The following ARHGEF19 variants were observed in gnomAD, a reference collection of about 807,000 sequenced individuals.
ARHGEF19 encodes the protein Rho guanine nucleotide exchange factor (GEF) 19.
ARHGEF19 carries 92 observed loss-of-function variants against 87.6 expected under a neutral mutation model. The observed-to-expected ratio is 1.05, with a 90% confidence interval of 0.89 to 1.25. ARHGEF19 has a LOEUF of 1.25. Among genes scored for constraint, ARHGEF19 ranks in the 50% most tolerant of loss-of-function variants. ARHGEF19 has a pLI of 0.00. For missense variants in ARHGEF19, 1,054 were observed against 1,051.8 expected, an observed-to-expected ratio of 1.00 and a Z score of -0.03; for synonymous variants, 438 against 446.2, an observed-to-expected ratio of 0.98 and a Z score of 0.23.
At chr1:16,212,022 C>T (rs2081202107) in intron 1 of ARHGEF19, among the ~76,000 whole-genome samples, 2 of 152,124 alleles carry the variant, frequency 1.3e-5, no homozygotes, top group South Asian at 4.1e-4. Context: ...AAAGTGGCTC[C>T]TAAGGGACCG....
intron 14 of ARHGEF19, 39 bp from the exon 15 acceptor site, chr1:16,199,293 G>A (rs1393735499): frequency 1.3e-6 from 2 of 1,591,012 alleles, no homozygotes; most frequent in African/African-American, 2.7e-5. Flanking sequence ...CCCAAGGGCA[G>A]GATGGCAGGG....
At position 16,202,436 on chromosome 1, in the gene ARHGEF19, G is replaced by C. The variant is rs2081091574; in HGVS notation, c.2046C>G (p.Phe682Leu). Residue 682 changes from phenylalanine to leucine, a missense_variant, in exon 13 of 16, where the codon TTC becomes TTG. Phe to Leu is a conservative substitution (Grantham distance 22, BLOSUM62 0). Coordinates refer to ENST00000270747, the MANE Select transcript of ARHGEF19 (RefSeq NM_153213.5). Reference sequence around the variant, plus strand: ...CTCACTCCGTCCGGGCCCGCAGCAGGAACTGGTGCTTCATGTGCTGCCCGT... The same window carrying C: ...CTCACTCCGTCCGGGCCCGCAGCAGCAACTGGTGCTTCATGTGCTGCCCGT... ...LLHGQHMKHQ[F>L]LLRARTESEK... 2 of 1,613,942 alleles carry C rather than the reference G, an allele frequency of 1.2e-6. No homozygotes were observed. The highest frequency in any genetic ancestry group is 1.7e-6 in the Non-Finnish European group (2 of 1,179,956).
intron 12 of ARHGEF19, among the ~76,000 whole-genome samples, chr1:16,203,535 C>T (rs1017244561): frequency 2.6e-5 from 4 of 152,172 alleles, no homozygotes; most frequent in Admixed American, 6.5e-5. Context: ...AAAATATCAT[C>T]CCTCTGCTTA....
At chr1:16,210,846 C>A (rs72891109) in intron 1 of ARHGEF19, among the ~76,000 whole-genome samples, 3,746 of 152,188 alleles carry the variant, frequency 0.025, 166 homozygotes, top group African/African-American at 0.084. Flanking sequence ...AAGCCTTGGC[C>A]TGAACAGTGA....
In ARHGEF19 at chr1:16,205,078, G is replaced by A. The variant is rs2081115038; in HGVS notation, c.1746+9C>T. On this transcript the variant is annotated intron_variant, in intron 11 of 15. Coordinates refer to ENST00000270747, the MANE Select transcript of ARHGEF19 (RefSeq NM_153213.5). This position sits in a 1 kb window ranked among gnomAD's most constrained non-coding sequence, Gnocchi z 5.8. ...TGGGGTCCCCATCCCGCTGGCTGCA[G>A]ACACACACCTTGCCCTCAAAGTGGA... 6.3e-7 allele frequency: 1 copy of A among 1,597,436 alleles called. No homozygotes were observed. Among genetic ancestry groups the A allele is most frequent in the Non-Finnish European group, 8.5e-7 (1 of 1,172,200 alleles).
intron 2 of ARHGEF19, 128 bp downstream of exon 2, chr1:16,208,515 T>A: frequency 7.8e-7 from 1 of 1,284,410 alleles, no homozygotes. Flanking sequence ...ACTAGTTTCC[T>A]TATCACTAAT....
Position 16,205,906 on chromosome 1 carries a change from C to T in ARHGEF19, c.1451+25G>A, listed in dbSNP as rs1339642943. 3 of 1,589,366 alleles carry T rather than the reference C, an allele frequency of 1.9e-6. No individual in the cohort carries two copies. The highest frequency in any genetic ancestry group is 1.3e-5 in the African/African-American group (1 of 74,582). ...GCCTGAGACTCCCTCCACGCCCCCGCCCCTTTCAGAGCCCCCAGCCCTACA... is the reference window on the plus strand; with the variant it reads ...GCCTGAGACTCCCTCCACGCCCCCGTCCCTTTCAGAGCCCCCAGCCCTACA... On this transcript the variant is annotated intron_variant, in intron 8 of 15. Transcript: ENST00000270747. The surrounding 1 kb of genome is among the most constrained non-coding windows in gnomAD (Gnocchi z 5.8).
rs771398924 is a variant in ARHGEF19 at position 16,206,291 on chromosome 1, G to T, written c.1187C>A (p.Ser396Ter). Residue 396 changes from serine (S) to a stop codon, truncating the protein, a stop_gained, in exon 7 of 16, where the codon TCG (serine) becomes TAG (stop). Transcript: ENST00000270747. LOFTEE classifies it high-confidence loss of function. This position sits in a 1 kb window ranked among gnomAD's most constrained non-coding sequence, Gnocchi z 4.6. ...GCCTAAGAAGTGGCCCACAGCCACCGACAGGCTGTGGATGTAGGAGGCCTC... is the reference window on the plus strand; with the variant it reads ...GCCTAAGAAGTGGCCCACAGCCACCTACAGGCTGTGGATGTAGGAGGCCTC... ...TSEASYIHSL[S>*]VAVGHFLGSA... 1.3e-5 allele frequency: 20 copies of T among 1,583,590 alleles called. No homozygotes were observed. The highest frequency in any genetic ancestry group is 1.5e-5 in the Non-Finnish European group (18 of 1,165,502).
intron 1 of ARHGEF19, among the ~76,000 whole-genome samples, chr1:16,209,371 T>C (rs2081177116): frequency 6.6e-6 from 1 of 152,170 alleles, no homozygotes; most frequent in Admixed American, 6.5e-5. Flanking sequence ...CACAGAGAGG[T>C]TATTTGGTAA....
Position 16,205,743 on chromosome 1 carries a change from G to A in ARHGEF19, c.1452-76C>T, listed in dbSNP as rs2081125527. The A allele has an allele frequency of 6.6e-6, 10 of 1,522,782 alleles. No homozygotes were observed. Among genetic ancestry groups the A allele is most frequent in the Non-Finnish European group, 8.8e-6 (10 of 1,134,566 alleles). 94.3% of individuals were successfully genotyped at this position (1,522,782 alleles called of 1,614,324 possible). A position where few individuals can be genotyped will look rare whatever the true frequency, so the allele number is the denominator to read the frequency against. ...ATCCACAACCCTGGCCATCCACGGG[G>A]TCCTCAGGGGGCTTCTCAGCACATC... On this transcript the variant is annotated intron_variant, in intron 8 of 15. Coordinates refer to ENST00000270747, the MANE Select transcript of ARHGEF19 (RefSeq NM_153213.5). The surrounding 1 kb of genome is among the most constrained non-coding windows in gnomAD (Gnocchi z 5.8).
intron 1 of ARHGEF19, among the ~76,000 whole-genome samples, chr1:16,209,911 A>T (rs1248730979): frequency 6.6e-6 from 1 of 152,222 alleles, no homozygotes; most frequent in African/African-American, 2.4e-5. Context: ...GCCTTCTCGA[A>T]GTTCAAAGAG....
chr1:16,200,783 C>T (rs2081078681), intron 14 of ARHGEF19, among the ~76,000 whole-genome samples: 1 of 151,392 alleles, frequency 6.6e-6, no homozygotes, highest in South Asian at 2.1e-4. Context: ...TGCCTGTAAT[C>T]CCAGCTACTC....
chr1:16,204,712 G>C, intron 12 of ARHGEF19, 47 bp downstream of exon 12: 4 of 1,518,386 alleles, frequency 2.6e-6, no homozygotes, highest in Non-Finnish European at 3.5e-6. Context: ...GGGAGGAAGA[G>C]AGCCTGGCTC....
Position 16,205,203 on chromosome 1 carries a change from G to A in ARHGEF19, c.1657-27C>T, listed in dbSNP as rs2081116851. ...TGGGGGAGCCGTGGGGAGGTCACCT[G>A]CAGCCCCTCAGCTCCGGCTCCCAGA... On this transcript the variant is annotated intron_variant, in intron 10 of 15. Coordinates refer to ENST00000270747, the MANE Select transcript of ARHGEF19 (RefSeq NM_153213.5). This position sits in a 1 kb window ranked among gnomAD's most constrained non-coding sequence, Gnocchi z 5.8. 1 of 1,592,036 alleles carries A rather than the reference G, an allele frequency of 6.3e-7. No individual in the cohort carries two copies. The highest frequency in any genetic ancestry group is 1.1e-5 in the South Asian group (1 of 88,846).
Position 16,207,169 on chromosome 1 carries a change from C to A in ARHGEF19, c.916G>T (p.Glu306Ter). 3 of 1,530,730 alleles carry A rather than the reference C, an allele frequency of 2.0e-6. No individual in the cohort carries two copies. Among genetic ancestry groups the A allele is most frequent in the Non-Finnish European group, 2.6e-6 (3 of 1,142,870 alleles). 94.8% of individuals were successfully genotyped at this position (1,530,730 alleles called of 1,614,324 possible). A position where few individuals can be genotyped will look rare whatever the true frequency, so the allele number is the denominator to read the frequency against. ...TCCTCGCGCTGCTGCCGCCGCAGTT[C>A]GCGGGCGCTGGCCACGTCGCTGTAT... Reference protein sequence around the residue: ...QEYSDVASARELRRQQREEEG... With the variant: ...QEYSDVASAR The change falls in exon 6 of 16, where the codon GAA becomes TAA. Residue 306 changes from glutamate to a stop codon, truncating the protein, a stop_gained. Coordinates refer to ENST00000270747, the MANE Select transcript of ARHGEF19 (RefSeq NM_153213.5). LOFTEE classifies it high-confidence loss of function. This position sits in a 1 kb window ranked among gnomAD's most constrained non-coding sequence, Gnocchi z 4.0.
In ARHGEF19 at chr1:16,198,450, C is replaced by G; in HGVS notation, c.*137G>C. ...CTGGAGGCGCCCCCATTCCTGTGTC[C>G]AGCCTGTGCCCTCAATGCCAAGGCC... On this transcript the variant is annotated 3_prime_UTR_variant, in exon 16 of 16. Transcript: ENST00000270747. This position sits in a 1 kb window ranked among gnomAD's most constrained non-coding sequence, Gnocchi z 4.1. The G allele has an allele frequency of 8.6e-7, 1 of 1,164,636 alleles. No homozygotes were observed. Among genetic ancestry groups the G allele is most frequent in the Non-Finnish European group, 1.2e-6 (1 of 849,512 alleles). 72.1% of individuals were successfully genotyped at this position (1,164,636 alleles called of 1,614,324 possible).
chr1:16,204,969 G>A (rs1201702152), intron 11 of ARHGEF19, 50 bp from the exon 12 acceptor site: 1 of 1,574,580 alleles, frequency 6.4e-7, no homozygotes, highest in African/African-American at 1.3e-5. Flanking sequence ...CAGGCAGAGA[G>A]CACAAGATGG....
intron 13 of ARHGEF19, among the ~76,000 whole-genome samples, 160 bp downstream of exon 13, chr1:16,202,255 CT>C (rs1347284832): frequency 6.6e-6 from 1 of 152,256 alleles, no homozygotes; most frequent in Non-Finnish European, 1.5e-5. Context: ...CCCTCTGCCC[CT>C]GTGTCCTGCC....
chr1:16,206,455 C>G lies in ARHGEF19; in HGVS notation c.1138-115G>C, dbSNP rs1424020780. On this transcript the variant is annotated intron_variant, in intron 6 of 15. Coordinates refer to ENST00000270747, the MANE Select transcript of ARHGEF19 (RefSeq NM_153213.5). The surrounding 1 kb of genome is among the most constrained non-coding windows in gnomAD (Gnocchi z 4.6). ...CCTCGCGTCCTCGCCCCTTCTCTAG[C>G]CCCACTCCTAATCTGGCGCCGGGCG... 3 of 1,211,280 alleles carry G rather than the reference C, an allele frequency of 2.5e-6. No homozygotes were observed. The East Asian group carries it at 7.7e-5, about 31-fold the overall frequency. The allele number at this position is 1,211,280 out of a possible 1,614,324, so 75.0% of individuals were successfully genotyped here. A position where few individuals can be genotyped will look rare whatever the true frequency, so the allele number is the denominator to read the frequency against.
Sources: gnomAD v4.1 joint callset for allele counts (sites outside exome capture counted in the v4.1 genomes callset) on GRCh38, gnomAD v4.1.1 for gene constraint, Gnocchi (gnomAD v3.1) non-coding constraint, MANE v1.5 for transcripts, NCBI Gene and HGNC (gene_info 2026-07-23, HGNC 2026-07-21) for gene names.